Variants in MUC7 observed in about 807,000 individuals in gnomAD.
The protein encoded by MUC7 is mucin-7.
Under a neutral mutation model 2.5 loss-of-function variants are expected in MUC7, and 2 were observed. The observed-to-expected ratio is 0.81, with a 90% confidence interval of 0.33 to 2.55. The LOEUF (loss-of-function observed/expected upper bound fraction) is 2.55, where lower values mean the gene tolerates loss of function less well. Among genes scored for constraint, MUC7 ranks in the 30% most tolerant of loss-of-function variants. The pLI is 0.11. For missense variants in MUC7, 408 were observed against 455.6 expected (o/e 0.90, Z 0.95); for synonymous variants, 133 against 173.4 (o/e 0.77, Z 1.83).
At chr4:70,472,852 C>T (rs1379321218) in intron 1 of MUC7, among the ~76,000 whole-genome samples, 4 of 152,150 alleles carry the variant, frequency 2.6e-5, no homozygotes, top group Non-Finnish European at 4.4e-5. Flanking sequence ...ACCACATTGA[C>T]ATGCACACTA....
intron 1 of MUC7, among the ~76,000 whole-genome samples, chr4:70,451,105 G>C (rs572838137): frequency 7.3e-4 from 111 of 152,298 alleles, no homozygotes; most frequent in Non-Finnish European, 1.3e-3. Flanking sequence ...GGTGAGGTCT[G>C]TAGGAACTCA....
intron 1 of MUC7, among the ~76,000 whole-genome samples, chr4:70,443,256 C>CA (rs1734048854): frequency 6.7e-6 from 1 of 150,178 alleles, no homozygotes; most frequent in East Asian, 1.9e-4. Context: ...AGATCTCAGA[C>CA]AAAAAGATCT....
rs1735169235 is a variant in MUC7 at position 70,481,303 on chromosome 4, G to A, written c.559G>A (p.Glu187Lys). ...PAPPSSSAPP[E>K]TTAAPPTPSA... ...TCCACCATCTTCCTCAGCTCCACCA[G>A]AGACCACAGCTGCCCCACCCACACC... Residue 187 changes from glutamate to lysine, a missense_variant, in exon 3 of 3, where the codon GAG becomes AAG. Coordinates refer to ENST00000304887, the MANE Select transcript of MUC7 (RefSeq NM_152291.3). 2.0e-5 allele frequency: 33 copies of A among 1,612,444 alleles called. No individual in the cohort carries two copies. Among genetic ancestry groups the A allele is most frequent in the Non-Finnish European group, 2.7e-5 (32 of 1,179,406 alleles).
chr4:70,451,230 C>T (rs1211206632), intron 1 of MUC7, among the ~76,000 whole-genome samples: 1 of 152,198 alleles, frequency 6.6e-6, no homozygotes, highest in Non-Finnish European at 1.5e-5. Context: ...TCTAACAGGA[C>T]AGCACTGAGT....
chr4:70,464,395 A>G (rs1734629761), intron 1 of MUC7, among the ~76,000 whole-genome samples: 1 of 152,148 alleles, frequency 6.6e-6, no homozygotes, highest in Non-Finnish European at 1.5e-5. Flanking sequence ...CCAGTGAGAC[A>G]GAATCATTCA....
chr4:70,430,962 T>C (rs1733644543), intron 1 of MUC7, among the ~76,000 whole-genome samples: 2 of 152,178 alleles, frequency 1.3e-5, no homozygotes, highest in Non-Finnish European at 2.9e-5. Flanking sequence ...TTTTCTCTTC[T>C]ACTGGCAAAT....
At position 70,481,708 on chromosome 4, in the gene MUC7, A is replaced by G; in HGVS notation, c.964A>G (p.Thr322Ala). 2 of 1,614,128 alleles carry G rather than the reference A, an allele frequency of 1.2e-6. No individual in the cohort carries two copies. The highest frequency in any genetic ancestry group is 1.3e-5 in the African/African-American group (1 of 75,030). Residue 322 changes from threonine to alanine, a missense_variant, in exon 3 of 3, where the codon ACT becomes GCT. By Grantham distance (58) the Thr-to-Ala change is moderately conservative. Transcript: ENST00000304887. ...NSSPTTLAPD[T>A]SETSAAPTHQ... ...TTCCCCAACTACTCTTGCACCTGAC[A>G]CTTCTGAAACTTCAGCTGCACCCAC...
upstream of MUC7, among the ~76,000 whole-genome samples, chr4:70,467,722 T>C (rs1157076944): frequency 1.3e-5 from 2 of 152,148 alleles, no homozygotes; most frequent in African/African-American, 2.4e-5. Flanking sequence ...AGAAATTGAA[T>C]CCCTGAATAG....
chr4:70,441,790 G>A (rs1375193206), intron 1 of MUC7, among the ~76,000 whole-genome samples: 1 of 152,148 alleles, frequency 6.6e-6, no homozygotes, highest in African/African-American at 2.4e-5. Context: ...AAAATAGTCT[G>A]AATGATGAAA....
upstream of MUC7, among the ~76,000 whole-genome samples, chr4:70,467,981 T>C (rs988779642): frequency 1.3e-5 from 2 of 152,138 alleles, no homozygotes; most frequent in African/African-American, 4.8e-5. Context: ...CCAATATCCC[T>C]GATGAACATC....
chr4:70,479,307 C>T (rs1428854105), intron 2 of MUC7, among the ~76,000 whole-genome samples: 1 of 152,192 alleles, frequency 6.6e-6, no homozygotes, highest in Non-Finnish European at 1.5e-5. Context: ...GTCCCTGTTT[C>T]ATTCACCTCT....
chr4:70,481,816 C>T lies in MUC7; in HGVS notation c.1072C>T (p.Arg358Ter), dbSNP rs774737670. 7 of 1,614,032 alleles carry T rather than the reference C, an allele frequency of 4.3e-6. No individual in the cohort carries two copies. The highest frequency in any genetic ancestry group is 4.5e-5 in the East Asian group (2 of 44,834). Reference protein sequence around the residue: ...TSAPGQNKISRFLLYMKNLLN... With the variant: ...TSAPGQNKIS Reference sequence around the variant, plus strand: ...AGCTCCTGGCCAAAATAAAATTTCTCGATTTCTTTTATATATGAAGAATCT... The same window carrying T: ...AGCTCCTGGCCAAAATAAAATTTCTTGATTTCTTTTATATATGAAGAATCT... Residue 358 changes from arginine to a stop codon, truncating the protein, a stop_gained, in exon 3 of 3, where the codon CGA becomes TGA. Transcript: ENST00000304887. LOFTEE classifies it low-confidence loss of function (END_TRUNC).
intron 1 of MUC7, among the ~76,000 whole-genome samples, chr4:70,445,971 G>A (rs187599660): frequency 2.6e-5 from 4 of 152,216 alleles, no homozygotes; most frequent in African/African-American, 2.4e-5. Flanking sequence ...AATTAGACAG[G>A]CATCATCTCA....
At chr4:70,471,123 A>G (rs973776048), upstream of MUC7, among the ~76,000 whole-genome samples, 2 of 152,232 alleles carry the variant, frequency 1.3e-5, no homozygotes, top group Non-Finnish European at 2.9e-5. Context: ...CACACCTTCA[A>G]AACTGTATTC....
chr4:70,437,563 G>T (rs1438388851), intron 1 of MUC7, among the ~76,000 whole-genome samples: 3 of 152,160 alleles, frequency 2.0e-5, no homozygotes, highest in African/African-American at 7.2e-5. Flanking sequence ...CTGCTGGTTG[G>T]GAAGACCATG....
chr4:70,441,271 C>T (rs1733998372), intron 1 of MUC7, among the ~76,000 whole-genome samples: 1 of 152,036 alleles, frequency 6.6e-6, no homozygotes, highest in Non-Finnish European at 1.5e-5. Context: ...ATATAAATAT[C>T]TTATCACATA....
intron 1 of MUC7, among the ~76,000 whole-genome samples, chr4:70,438,526 G>A (rs756270638): frequency 1.3e-5 from 2 of 151,962 alleles, no homozygotes; most frequent in Non-Finnish European, 2.9e-5. Context: ...GCGCAATCTC[G>A]GCTCACTGCA....
chr4:70,466,891 A>G (rs150488152), intron 1 of MUC7, among the ~76,000 whole-genome samples: 2 of 152,134 alleles, frequency 1.3e-5, no homozygotes, highest in Non-Finnish European at 2.9e-5. Flanking sequence ...CTTGAACTCA[A>G]CTCTGGACCA....
At chr4:70,466,691 G>A (rs999033720) in intron 1 of MUC7, among the ~76,000 whole-genome samples, 5 of 152,052 alleles carry the variant, frequency 3.3e-5, no homozygotes, top group Non-Finnish European at 7.4e-5. Flanking sequence ...AGGGATCAAT[G>A]CAACAAGAAG....
Sources: allele counts gnomAD v4.1 joint callset (sites outside exome capture counted in the v4.1 genomes callset), GRCh38; gene constraint gnomAD v4.1.1; transcripts MANE v1.5; gene names NCBI Gene and HGNC (gene_info 2026-07-23, HGNC 2026-07-21).